The following MAP2K2 variants were observed in gnomAD, a reference collection of about 807,000 sequenced individuals.
MAP2K2 encodes the protein dual specificity mitogen-activated protein kinase kinase 2.
MAP2K2 carries 24 observed loss-of-function variants against 43.7 expected under a neutral mutation model. The ratio of observed to expected loss-of-function variants is 0.55; its 90% CI spans 0.40 to 0.77. The LOEUF is 0.77. MAP2K2 is among the 30% of genes least tolerant of loss of function. MAP2K2 has a pLI of 0.00. For missense variants in MAP2K2, 470 were observed against 566.8 expected (o/e 0.83, Z 1.73); for synonymous variants, 244 against 239.7 (o/e 1.02, Z -0.17).
chr19:4,103,274 A>T lies in MAP2K2; in HGVS notation c.451-821T>A, dbSNP rs2041040686. ...GGTGTGGCCCCACATCCATGTCATAAATGATGAAACAGAAATTCCATGTCT... is the reference window on the plus strand; with the variant it reads ...GGTGTGGCCCCACATCCATGTCATATATGATGAAACAGAAATTCCATGTCT... On this transcript the variant is annotated intron_variant, in intron 3 of 10. Transcript: ENST00000262948. The T allele has an allele frequency of 9.1e-6, 9 of 984,832 alleles. No individual in the cohort carries two copies. In the South Asian group the frequency reaches 3.8e-4, roughly 41 times the overall value. The allele number at this position is 984,832 out of a possible 1,614,324, so 61.0% of individuals were successfully genotyped here.
chr19:4,097,951 C>G (rs1232436509), intron 7 of MAP2K2, among the ~76,000 whole-genome samples: 3 of 152,134 alleles, frequency 2.0e-5, no homozygotes, highest in Non-Finnish European at 4.4e-5. Context: ...AGGATAAGGA[C>G]TTGGGGGCCT....
intron 10 of MAP2K2, among the ~76,000 whole-genome samples, chr19:4,091,813 T>C (rs2040858180): frequency 6.6e-6 from 1 of 152,130 alleles, no homozygotes; most frequent in South Asian, 2.1e-4. Context: ...CATGCCCAGC[T>C]AATTTTTGTA....
At chr19:4,117,897 C>G (rs1434468438) in intron 1 of MAP2K2, among the ~76,000 whole-genome samples, 1 of 152,140 alleles carries the variant, frequency 6.6e-6, no homozygotes, top group Non-Finnish European at 1.5e-5. Flanking sequence ...CAAGGATAAG[C>G]TGCAGCTCAA....
At chr19:4,113,985 A>G (rs2041189008) in intron 2 of MAP2K2, among the ~76,000 whole-genome samples, 1 of 152,190 alleles carries the variant, frequency 6.6e-6, no homozygotes, top group African/African-American at 2.4e-5. Context: ...AACATCCTGA[A>G]TTAGGTGTTG....
rs1370620009 is a variant in MAP2K2, at chr19:4,099,221, G to A, written c.899C>T (p.Pro300Leu). The A allele has an allele frequency of 6.2e-7, 1 of 1,603,550 alleles. No individual in the cohort carries two copies. Among genetic ancestry groups the A allele is most frequent in the Non-Finnish European group, 8.5e-7 (1 of 1,175,836 alleles). ...EPHSISPRPR[P>L]PGRPVSGHGM... ...CGTACCGCTGACGGGGCGCCCGGGG[G>A]GCCTCGGCCGAGGCGAGATGCTGTG... Residue 300 changes from proline (P) to leucine (L), a missense_variant, in exon 7 of 11, where the codon CCC (proline) becomes CTC (leucine). This residue lies in a region of MAP2K2 where 212 missense variants were observed against 220.8 expected (regional missense o/e 0.96). Transcript: ENST00000262948.
In MAP2K2 at chr19:4,095,056, G is replaced by A. The variant is rs45588037; in HGVS notation, c.1046+332C>T. The A allele has an allele frequency of 5.1e-3, 1,910 of 373,216 alleles. 9 individuals are homozygous for A. Among genetic ancestry groups the A allele is most frequent in the Non-Finnish European group, 6.7e-3 (1,344 of 200,314 alleles). 23.1% of individuals were successfully genotyped at this position (373,216 alleles called of 1,614,324 possible). Reference sequence around the variant, plus strand: ...GCGACCCTCCCAGAACCTGCGGGCGGATCCCGGGGAGCCCACAGTCAGCAC... The same window carrying A: ...GCGACCCTCCCAGAACCTGCGGGCGAATCCCGGGGAGCCCACAGTCAGCAC... On this transcript the variant is annotated intron_variant, in intron 9 of 10. Coordinates refer to ENST00000262948, the MANE Select transcript of MAP2K2 (RefSeq NM_030662.4).
At position 4,123,816 on chromosome 19, in the gene MAP2K2, C is replaced by G; in HGVS notation, c.60G>C (p.Glu20Asp). Reference protein sequence around the residue: ...PALTINPTIAEGPSPTSEGAS... With the variant: ...PALTINPTIADGPSPTSEGAS... Reference sequence around the variant, plus strand: ...CGCCCTCGCTGGTAGGGGATGGGCCCTCGGCGATGGTAGGGTTGATGGTGA... The same window carrying G: ...CGCCCTCGCTGGTAGGGGATGGGCCGTCGGCGATGGTAGGGTTGATGGTGA... The change falls in exon 1 of 11, where the codon GAG (glutamate) becomes GAC (aspartate). Residue 20 changes from glutamate (E) to aspartate (D), a missense_variant. Physicochemically the swap from Glu to Asp is conservative, Grantham distance 45 (BLOSUM62 2). This residue lies in a region of MAP2K2 where 58 missense variants were observed against 48.0 expected (regional missense o/e 1.21). Coordinates refer to ENST00000262948, the MANE Select transcript of MAP2K2 (RefSeq NM_030662.4). The G allele has an allele frequency of 6.4e-7, 1 of 1,567,260 alleles. No individual in the cohort carries two copies. The highest frequency in any genetic ancestry group is 8.6e-7 in the Non-Finnish European group (1 of 1,161,748).
chr19:4,095,963 C>T (rs971714962), intron 8 of MAP2K2, among the ~76,000 whole-genome samples: 20 of 152,150 alleles, frequency 1.3e-4, no homozygotes, highest in African/African-American at 4.3e-4. Context: ...TTAGTAGAGA[C>T]GGTATTTCAC....
intron 1 of MAP2K2, among the ~76,000 whole-genome samples, chr19:4,121,242 G>A (rs967611814): frequency 9.2e-5 from 14 of 151,842 alleles, no homozygotes; most frequent in African/African-American, 3.4e-4. Context: ...GCCTCTGGTC[G>A]CCCTCCACCT....
intron 6 of MAP2K2, chr19:4,100,773 G>A: frequency 1.7e-6 from 1 of 576,180 alleles, no homozygotes; most frequent in Non-Finnish European, 3.1e-6. Context: ...ATGAAGGGGA[G>A]GGTGCAGCTG....
chr19:4,098,778 A>G (rs350912), intron 7 of MAP2K2, among the ~76,000 whole-genome samples: 117,264 of 152,248 alleles, frequency 0.77, 45,403 homozygotes, highest in East Asian at 0.93. Context: ...TGCCAAGTCC[A>G]ATCTCCACTT....
chr19:4,119,960 C>CGCTGGA (rs1217598145), intron 1 of MAP2K2, among the ~76,000 whole-genome samples: 1 of 152,292 alleles, frequency 6.6e-6, no homozygotes, highest in African/African-American at 2.4e-5. Flanking sequence ...GAGGCGATGG[C>CGCTGGA]GCTGGAGCTG....
chr19:4,123,786 G>A lies in MAP2K2; in HGVS notation c.90C>T (p.Ser30=). 1 of 1,552,674 alleles carries A rather than the reference G, an allele frequency of 6.4e-7. No individual in the cohort carries two copies. Among genetic ancestry groups the A allele is most frequent in the Non-Finnish European group, 8.7e-7 (1 of 1,153,892 alleles). The change falls in exon 1 of 11, where the codon TCC becomes TCT. Residue 30 remains serine (S), a splice_region_variant and synonymous_variant. Coordinates refer to ENST00000262948, the MANE Select transcript of MAP2K2 (RefSeq NM_030662.4). ...CCGGCTGACCCCTGCCCACTCACTC[G>A]GAGGCGCCCTCGCTGGTAGGGGATG... ...EGPSPTSEGA[S]EANLVDLQKK...
chr19:4,103,079 G>A (rs535576016), intron 3 of MAP2K2: 96 of 1,018,232 alleles, frequency 9.4e-5, no homozygotes, highest in South Asian at 4.0e-4. Flanking sequence ...AGGCCAGGCC[G>A]AGTAGGACCA....
chr19:4,100,668 TAACA>T, intron 6 of MAP2K2: 2 of 322,082 alleles, frequency 6.2e-6, no homozygotes, highest in South Asian at 7.4e-5. Flanking sequence ...ATTAGTAAAT[TAACA>T]AATAAAAAAT....
chr19:4,118,226 T>C (rs1198805168), intron 1 of MAP2K2, among the ~76,000 whole-genome samples: 5 of 152,152 alleles, frequency 3.3e-5, no homozygotes, highest in East Asian at 3.9e-4. Flanking sequence ...GCGTGAGCCA[T>C]TGCACGCGGC....
In MAP2K2 at chr19:4,091,007, G is replaced by C. The variant is rs543274996; in HGVS notation, c.1093-299C>G. 5.0e-4 allele frequency among the ~76,000 whole-genome samples: 76 copies of C among 152,292 alleles called. 1 individual carries two copies. The South Asian group carries it at 0.013, about 26-fold the overall frequency. ...AGGGTCTACGCTCGCGCAAGCCCAGGGTCCTCCGGCCGCTGTGGACACCGG... is the reference window on the plus strand; with the variant it reads ...AGGGTCTACGCTCGCGCAAGCCCAGCGTCCTCCGGCCGCTGTGGACACCGG... On this transcript the variant is annotated intron_variant, in intron 10 of 10. Transcript: ENST00000262948.
chr19:4,114,815 A>G (rs2041200357), intron 2 of MAP2K2, among the ~76,000 whole-genome samples: 1 of 152,134 alleles, frequency 6.6e-6, no homozygotes, highest in East Asian at 1.9e-4. Flanking sequence ...CAGGCATGCC[A>G]GCCACTCAGG....
chr19:4,105,428 T>C (rs1053301576), intron 3 of MAP2K2, among the ~76,000 whole-genome samples: 4 of 151,704 alleles, frequency 2.6e-5, no homozygotes, highest in South Asian at 2.1e-4. Flanking sequence ...GCCACCACAC[T>C]CGGCTAATTT....
Sources: allele counts gnomAD v4.1 joint callset (sites outside exome capture counted in the v4.1 genomes callset), GRCh38; gene constraint gnomAD v4.1.1; regional missense constraint gnomAD v4.1.1; transcripts MANE v1.5; gene names NCBI Gene and HGNC (gene_info 2026-07-23, HGNC 2026-07-21).